The following CEP20 variants were observed in gnomAD, a reference collection of about 807,000 sequenced individuals.
The protein encoded by CEP20 is FGFR1OP N-terminal like.
CEP20 carries 18 observed loss-of-function variants against 20.0 expected under a neutral mutation model. The observed-to-expected ratio is 0.90, with a 90% CI of 0.62 to 1.34. CEP20 has a LOEUF of 1.34. Ranked by LOEUF, CEP20 falls within the 40% of genes most tolerant of loss-of-function variation. CEP20 has a pLI of 0.00. For synonymous variants in CEP20, 77 were observed against 73.7 expected, an observed-to-expected ratio of 1.04 and a Z score of -0.23; for missense variants, 215 against 201.6, an observed-to-expected ratio of 1.07 and a Z score of -0.40.
At chr16:15,867,575 A>C in intron 4 of CEP20, 59 bp from the exon 5 acceptor site, 1 of 1,100,164 alleles carries the variant, frequency 9.1e-7, no homozygotes, top group Non-Finnish European at 1.4e-6. Context: ...ACAGATAGGT[A>C]GACATAGCTA....
intron 2 of CEP20, 94 bp from the exon 3 acceptor site, chr16:15,879,982 T>A: frequency 1.2e-6 from 1 of 844,680 alleles, no homozygotes; most frequent in Non-Finnish European, 1.8e-6. Flanking sequence ...CATACACTTT[T>A]TAGATTTTGG....
intron 3 of CEP20, among the ~76,000 whole-genome samples, chr16:15,874,205 C>G (rs1024153902): frequency 6.6e-6 from 1 of 152,142 alleles, no homozygotes; most frequent in Non-Finnish European, 1.5e-5. Context: ...TAATAAATGT[C>G]AAGTGTTTTT....
chr16:15,875,743 G>C (rs1646877099), intron 3 of CEP20, among the ~76,000 whole-genome samples: 1 of 152,166 alleles, frequency 6.6e-6, no homozygotes, highest in African/African-American at 2.4e-5. Context: ...TCATCAGATG[G>C]CAAGGGTTGA....
intron 1 of CEP20, among the ~76,000 whole-genome samples, chr16:15,887,241 G>A (rs2045267101): frequency 6.6e-6 from 1 of 151,640 alleles, no homozygotes; most frequent in Non-Finnish European, 1.5e-5. Context: ...AATATTACAT[G>A]TGATGTGTAT....
intron 3 of CEP20, among the ~76,000 whole-genome samples, chr16:15,878,791 G>T (rs1035342688): frequency 6.6e-6 from 1 of 151,982 alleles, no homozygotes; most frequent in Admixed American, 6.6e-5. Flanking sequence ...GAGCCACCAC[G>T]TCTGGCTAGA....
chr16:15,883,234 G>C (rs1394403913), intron 2 of CEP20, among the ~76,000 whole-genome samples: 3 of 151,970 alleles, frequency 2.0e-5, no homozygotes, highest in African/African-American at 7.2e-5. Flanking sequence ...ATGGAGGCAT[G>C]CACCTGTGGT....
At chr16:15,868,942 G>C (rs982438150) in intron 4 of CEP20, among the ~76,000 whole-genome samples, 2 of 151,422 alleles carry the variant, frequency 1.3e-5, no homozygotes, top group Non-Finnish European at 2.9e-5. Context: ...TGTAGTCCCA[G>C]CTGTAGTCCC....
intron 2 of CEP20, among the ~76,000 whole-genome samples, chr16:15,881,491 C>T (rs59126297): frequency 0.069 from 10,546 of 152,196 alleles, 488 homozygotes; most frequent in East Asian, 0.22. Context: ...GGATCTGTAA[C>T]GAAAAATTCT....
chr16:15,879,732 T>A lies in CEP20; in HGVS notation c.311+72A>T, dbSNP rs1010241453. Reference sequence around the variant, plus strand: ...ATCTGAATAAATACTTGAATTAAAATGAAGTAAAACCACCATGGTGCAATT... The same window carrying A: ...ATCTGAATAAATACTTGAATTAAAAAGAAGTAAAACCACCATGGTGCAATT... On this transcript the variant is annotated intron_variant, in intron 3 of 4. Transcript: ENST00000255759. The A allele has an allele frequency of 1.5e-5, 13 of 842,604 alleles. No homozygotes were observed. The African/African-American group carries it at 2.3e-4, about 15-fold the overall frequency. The allele number at this position is 842,604 out of a possible 1,614,324, so 52.2% of individuals were successfully genotyped here.
At chr16:15,870,732 T>C (rs7191368) in intron 4 of CEP20, among the ~76,000 whole-genome samples, 10,129 of 151,942 alleles carry the variant, frequency 0.067, 458 homozygotes, top group East Asian at 0.22. Context: ...GAAAGACTGA[T>C]CCCAGGAGTT....
chr16:15,884,252 C>T (rs367772470), intron 1 of CEP20, 47 bp from the exon 2 acceptor site: 3 of 1,515,484 alleles, frequency 2.0e-6, no homozygotes, highest in Non-Finnish European at 2.7e-6. Flanking sequence ...GTAAATTTGT[C>T]ATTCTTAGGC....
chr16:15,880,886 G>A lies in CEP20; in HGVS notation c.227-998C>T, dbSNP rs546544735. On this transcript the variant is annotated intron_variant, in intron 2 of 4. Transcript: ENST00000255759. Reference sequence around the variant, plus strand: ...TGTGCACTCCTTATGAGAATCTAAGGCCTGATGATCTCTCACTGCCTCCCA... The same window carrying A: ...TGTGCACTCCTTATGAGAATCTAAGACCTGATGATCTCTCACTGCCTCCCA... 2.4e-4 allele frequency among the ~76,000 whole-genome samples: 36 copies of A among 151,832 alleles called. 1 individual carries two copies. Among genetic ancestry groups the A allele is most frequent in the African/African-American group, 7.0e-4 (29 of 41,384 alleles).
At position 15,867,491 on chromosome 16, in the gene CEP20, C is replaced by G; in HGVS notation, c.474G>C (p.Gln158His). The G allele has an allele frequency of 6.2e-7, 1 of 1,604,818 alleles. No homozygotes were observed. ...PMDDHLRKEE[Q>H]KSTNIEDLHV... is the part of the protein sequence containing the mutation. ...GAAGATCTTCAATGTTAGTACTTTT[C>G]TGTTCCTCCTTTCTTAGGTGGTCAT... is the stretch of plus-strand genomic sequence containing the variant. The change falls in exon 5 of 5, where the codon CAG (glutamine) becomes CAC (histidine). Residue 158 changes from glutamine (Q) to histidine (H), a missense_variant. Coordinates refer to ENST00000255759, the MANE Select transcript of CEP20 (RefSeq NM_144600.4).
chr16:15,876,111 A>C (rs959123047), intron 3 of CEP20, among the ~76,000 whole-genome samples: 2 of 151,588 alleles, frequency 1.3e-5, no homozygotes, highest in African/African-American at 4.8e-5. Context: ...TGATTGTGGA[A>C]TACTACTTTA....
chr16:15,876,294 G>A (rs1596996966), intron 3 of CEP20, among the ~76,000 whole-genome samples: 2 of 151,438 alleles, frequency 1.3e-5, no homozygotes, highest in African/African-American at 2.4e-5. Context: ...TGGCTAACAC[G>A]GTGAAACCGT....
chr16:15,887,028 A>G (rs1291132377), intron 1 of CEP20, among the ~76,000 whole-genome samples: 1 of 145,700 alleles, frequency 6.9e-6, no homozygotes, highest in African/African-American at 2.6e-5. Flanking sequence ...CCTGTGGGGT[A>G]GCTGGAACTA....
intron 2 of CEP20, among the ~76,000 whole-genome samples, chr16:15,881,873 C>A (rs1216027521): frequency 1.3e-5 from 2 of 152,132 alleles, no homozygotes; most frequent in African/African-American, 4.8e-5. Flanking sequence ...CCACCCCCAA[C>A]CCCCAATATC....
At chr16:15,886,289 C>T (rs1397566305) in intron 1 of CEP20, 1 of 152,252 alleles carries the variant, frequency 6.6e-6, no homozygotes, top group Non-Finnish European at 1.5e-5. Context: ...AGAATCTTCA[C>T]TGACTTTTGA....
At chr16:15,867,574 T>TG in intron 4 of CEP20, 58 bp from the exon 5 acceptor site, 3 of 1,098,332 alleles carry the variant, frequency 2.7e-6, no homozygotes, top group Non-Finnish European at 4.1e-6. Flanking sequence ...CACAGATAGG[T>TG]AGACATAGCT....
Sources: allele counts gnomAD v4.1 joint callset (sites outside exome capture counted in the v4.1 genomes callset), GRCh38; gene constraint gnomAD v4.1.1; transcripts MANE v1.5; gene names NCBI Gene and HGNC (gene_info 2026-07-23, HGNC 2026-07-21).